The following PLXNA2 variants were observed in gnomAD, a reference collection of about 807,000 sequenced individuals.
PLXNA2 encodes plexin-A2.
A neutral mutation model predicts 193.5 loss-of-function variants in PLXNA2; 91 were observed. The ratio of observed to expected loss-of-function variants is 0.47; its 90% CI spans 0.40 to 0.56. PLXNA2 has a LOEUF of 0.56. PLXNA2 is among the 20% of genes least tolerant of loss of function. The pLI, the probability that PLXNA2 is intolerant of heterozygous loss-of-function variation, is 0.00. For synonymous variants in PLXNA2, 997 were observed against 1,027.3 expected (o/e 0.97, Z 0.56); for missense variants, 1,995 against 2,503.2 (o/e 0.80, Z 4.33).
intron 4 of PLXNA2, among the ~76,000 whole-genome samples, chr1:208,138,143 G>A (rs542097711): frequency 6.6e-6 from 1 of 152,266 alleles, no homozygotes; most frequent in African/African-American, 2.4e-5. Context: ...GACAACTTAC[G>A]ATGATTCAAC....
intron 10 of PLXNA2, among the ~76,000 whole-genome samples, chr1:208,083,030 C>T (rs896059794): frequency 1.3e-5 from 2 of 152,182 alleles, no homozygotes; most frequent in African/African-American, 4.8e-5. Flanking sequence ...GTCCATGTGT[C>T]TCCAGAGGCA....
At chr1:208,195,670 T>G (rs908130656) in intron 3 of PLXNA2, among the ~76,000 whole-genome samples, 126 of 124,962 alleles carry the variant, frequency 1.0e-3, no homozygotes, top group Admixed American at 1.6e-3. Context: ...GGGTTAGGGG[T>G]GGGCAACATG....
At chr1:208,092,946 G>T in intron 8 of PLXNA2, 46 bp from the exon 9 acceptor site, 1 of 1,333,570 alleles carries the variant, frequency 7.5e-7, no homozygotes. Context: ...AGAACAAAGA[G>T]GGAAGGTGGC....
chr1:208,099,310 T>C (rs562247057), intron 5 of PLXNA2, among the ~76,000 whole-genome samples: 1 of 152,256 alleles, frequency 6.6e-6, no homozygotes, highest in East Asian at 1.9e-4. Context: ...TTATTGAAAA[T>C]GAAAGTTCAC....
intron 3 of PLXNA2, among the ~76,000 whole-genome samples, chr1:208,154,199 G>T (rs1310634305): frequency 3.9e-5 from 6 of 152,202 alleles, no homozygotes; most frequent in African/African-American, 1.4e-4. Context: ...CCCCACAGCT[G>T]CTGGGCAGAG....
intron 5 of PLXNA2, among the ~76,000 whole-genome samples, chr1:208,102,267 C>T (rs1158974724): frequency 6.6e-6 from 1 of 152,226 alleles, no homozygotes; most frequent in Non-Finnish European, 1.5e-5. Context: ...TGGCCCTCCG[C>T]CTCCGCCTCC....
At chr1:208,096,175 C>T (rs528748020) in intron 7 of PLXNA2, 50 bp from the exon 8 acceptor site, 2 of 1,367,252 alleles carry the variant, frequency 1.5e-6, no homozygotes, top group African/African-American at 2.9e-5. Context: ...CGTGGGGGAC[C>T]CAGTGGACAG....
intron 5 of PLXNA2, 25 bp from the exon 6 acceptor site, chr1:208,098,994 A>C: frequency 6.2e-7 from 1 of 1,611,440 alleles, no homozygotes; most frequent in Non-Finnish European, 8.5e-7. Context: ...GATTCACAAG[A>C]GGTCAGGCCT....
intron 3 of PLXNA2, among the ~76,000 whole-genome samples, chr1:208,178,531 G>A (rs1045308356): frequency 7.2e-5 from 11 of 152,156 alleles, no homozygotes; most frequent in Non-Finnish European, 1.3e-4. Context: ...GGTAGGGGCG[G>A]GGGTGTTGCC....
intron 8 of PLXNA2, 134 bp from the exon 9 acceptor site, chr1:208,093,034 C>T: frequency 1.7e-6 from 1 of 572,456 alleles, no homozygotes; most frequent in Non-Finnish European, 3.1e-6. Context: ...GTGGGCCATC[C>T]TCTAGCACCA....
At chr1:208,100,632 T>C (rs974430562) in intron 5 of PLXNA2, among the ~76,000 whole-genome samples, 1 of 152,210 alleles carries the variant, frequency 6.6e-6, no homozygotes, top group Non-Finnish European at 1.5e-5. Flanking sequence ...GCAGTGGCCA[T>C]GTTTTATTCA....
intron 3 of PLXNA2, among the ~76,000 whole-genome samples, chr1:208,179,936 T>A (rs1669783872): frequency 6.6e-6 from 1 of 152,056 alleles, no homozygotes; most frequent in African/African-American, 2.4e-5. Flanking sequence ...ATGAAATACT[T>A]CCCCAAATGC....
intron 4 of PLXNA2, among the ~76,000 whole-genome samples, chr1:208,120,596 T>C (rs183753941): frequency 2.5e-4 from 38 of 152,306 alleles, no homozygotes; most frequent in African/African-American, 8.9e-4. Flanking sequence ...GGCACATGCC[T>C]TGGTAAGATG....
At position 208,217,407 on chromosome 1, in the gene PLXNA2, A is replaced by C. The variant is rs1176982164; in HGVS notation, c.516T>G (p.Ile172Met). The change falls in exon 2 of 32, where the codon ATT (isoleucine) becomes ATG (methionine). Residue 172 changes from isoleucine (I) to methionine (M), a missense_variant. Coordinates refer to ENST00000367033, the MANE Select transcript of PLXNA2 (RefSeq NM_025179.4). The surrounding 1 kb of genome is among the most constrained non-coding windows in gnomAD (Gnocchi z 4.7). ...VNKTGTMYGV[I>M]VRSEGEDGKL... ...TGCCATCCTCACCCTCAGAGCGCAC[A>C]ATCACCCCGTACATGGTGCCCGTCT... is the stretch of plus-strand genomic sequence containing the variant. 6.2e-7 allele frequency: 1 copy of C among 1,614,144 alleles called. No individual in the cohort carries two copies. The highest frequency in any genetic ancestry group is 2.2e-5 in the East Asian group (1 of 44,858).
At chr1:208,053,717 C>T (rs1571866160) in intron 14 of PLXNA2, among the ~76,000 whole-genome samples, 1 of 152,196 alleles carries the variant, frequency 6.6e-6, no homozygotes, top group African/African-American at 2.4e-5. Context: ...AGCCAAGTTA[C>T]TGATTCAGTA....
chr1:208,191,138 A>G (rs1480816887), intron 3 of PLXNA2, among the ~76,000 whole-genome samples: 3 of 152,224 alleles, frequency 2.0e-5, no homozygotes, highest in Non-Finnish European at 4.4e-5. Context: ...TGCCTGAATC[A>G]TGTGCACTCC....
chr1:208,028,750 G>A lies in PLXNA2; in HGVS notation c.5438+80C>T, dbSNP rs1050072596. 2.7e-5 allele frequency: 35 copies of A among 1,304,746 alleles called. No homozygotes were observed. The African/African-American group carries it at 4.6e-4, about 17-fold the overall frequency. The allele number at this position is 1,304,746 out of a possible 1,614,324, so 80.8% of individuals were successfully genotyped here. A position where few individuals can be genotyped will look rare whatever the true frequency, so the allele number is the denominator to read the frequency against. ...AGAGATGACAGACACCGTCGTCTGA[G>A]TCCTTAGTCAGTGATGACTATAGAG... On this transcript the variant is annotated intron_variant, in intron 30 of 31. Transcript: ENST00000367033. This position sits in a 1 kb window ranked among gnomAD's most constrained non-coding sequence, Gnocchi z 4.2.
intron 3 of PLXNA2, among the ~76,000 whole-genome samples, chr1:208,191,572 A>G (rs1322441668): frequency 6.6e-6 from 1 of 152,224 alleles, no homozygotes; most frequent in African/African-American, 2.4e-5. Flanking sequence ...ACTCATTTAC[A>G]TGTCCCTCAC....
chr1:208,081,512 G>A (rs1666342835), intron 11 of PLXNA2, among the ~76,000 whole-genome samples: 1 of 152,176 alleles, frequency 6.6e-6, no homozygotes, highest in African/African-American at 2.4e-5. Flanking sequence ...AAATCCTACA[G>A]TGGCCTAAGT....
Sources: allele counts gnomAD v4.1 joint callset (sites outside exome capture counted in the v4.1 genomes callset), GRCh38; gene constraint gnomAD v4.1.1; non-coding constraint Gnocchi (gnomAD v3.1); transcripts MANE v1.5; gene names NCBI Gene and HGNC (gene_info 2026-07-23, HGNC 2026-07-21).